The following TOP2B variants were observed in gnomAD, a reference collection of about 807,000 sequenced individuals.
TOP2B encodes DNA topoisomerase 2-beta.
A neutral mutation model predicts 193.5 loss-of-function variants in TOP2B; 51 were observed. The ratio of observed to expected loss-of-function variants is 0.26; its 90% CI spans 0.21 to 0.33. The LOEUF (loss-of-function observed/expected upper bound fraction) is 0.33, where lower values mean the gene tolerates loss of function less well. TOP2B is among the 10% of genes least tolerant of loss of function. TOP2B has a pLI of 1.00. For missense variants in TOP2B, 1,378 were observed against 1,909.3 expected (o/e 0.72, Z 5.19); for synonymous variants, 634 against 635.7 (o/e 1.00, Z 0.04).
chr3:25,651,790 C>A (rs1703597555), intron 1 of TOP2B, among the ~76,000 whole-genome samples: 1 of 151,550 alleles, frequency 6.6e-6, no homozygotes, highest in Non-Finnish European at 1.5e-5. Flanking sequence ...TCACTTGAAC[C>A]TGAGGCAGAG....
At position 25,630,081 on chromosome 3, in the gene TOP2B, G is replaced by T; in HGVS notation, c.1637C>A (p.Ala546Glu). The part of the protein sequence containing the change: ...GLQYKKSYDD[A>E]ESLKTLRYGK... ...ATAGCGTAAGGTTTTCAGAGATTCT[G>T]CATCATCGTAACTTTTCTTATATTG... The change falls in exon 13 of 36, where the codon GCA (alanine) becomes GAA (glutamate). Residue 546 changes from alanine (A) to glutamate (E), a missense_variant. Ala to Glu is a moderately radical substitution (Grantham distance 107). Transcript: ENST00000264331. 6.2e-7 allele frequency: 1 copy of T among 1,607,992 alleles called. No homozygotes were observed. Among genetic ancestry groups the T allele is most frequent in the Non-Finnish European group, 8.5e-7 (1 of 1,177,048 alleles).
intron 28 of TOP2B, among the ~76,000 whole-genome samples, chr3:25,612,009 C>T (rs1414167476): frequency 6.6e-6 from 1 of 151,876 alleles, no homozygotes; most frequent in Non-Finnish European, 1.5e-5. Context: ...GTGGCACAAT[C>T]TCGGCTCACT....
chr3:25,616,838 A>T (rs946139234), intron 25 of TOP2B, among the ~76,000 whole-genome samples: 1 of 152,028 alleles, frequency 6.6e-6, no homozygotes, highest in African/African-American at 2.4e-5. Context: ...GAATATGTGT[A>T]TCTATCACCG....
chr3:25,604,186 C>T (rs1283307994), intron 33 of TOP2B, among the ~76,000 whole-genome samples: 2 of 151,988 alleles, frequency 1.3e-5, no homozygotes, highest in Admixed American at 1.3e-4. Context: ...AAATAGCACA[C>T]ATCTCAATTA....
intron 8 of TOP2B, among the ~76,000 whole-genome samples, chr3:25,633,093 T>C (rs1261902316): frequency 1.3e-5 from 2 of 152,054 alleles, no homozygotes; most frequent in Non-Finnish European, 2.9e-5. Context: ...AACAATGTAA[T>C]TCAATTTTGA....
chr3:25,606,205 T>C (rs1202556891), intron 31 of TOP2B, 83 bp from the exon 32 acceptor site: 2 of 639,516 alleles, frequency 3.1e-6, no homozygotes, highest in East Asian at 3.0e-5. Context: ...TAATATTTAC[T>C]GCAGGATTAT....
In TOP2B at chr3:25,598,464, G is replaced by GATGA; in HGVS notation, c.4723_4724insTCAT (p.Thr1575IlefsTer5). ...CACATCTGAATCCTGATCAAAAGAT[G>GATGA]TCTTCTTCGGTTTCTAGATTTTTTT... On this transcript the variant is annotated frameshift_variant, in exon 36 of 36. Coordinates refer to ENST00000264331, the MANE Select transcript of TOP2B (RefSeq NM_001330700.2). LOFTEE classifies it high-confidence loss of function. The GATGA allele has an allele frequency of 6.3e-7, 1 of 1,578,668 alleles. No homozygotes were observed. The highest frequency in any genetic ancestry group is 2.3e-5 in the East Asian group (1 of 44,352).
chr3:25,604,540 C>T (rs12636216), intron 33 of TOP2B, among the ~76,000 whole-genome samples: 19,116 of 152,046 alleles, frequency 0.13, 1,304 homozygotes, highest in African/African-American at 0.19. Context: ...TAGTAATGCA[C>T]GGGATTATTT....
At position 25,649,982 on chromosome 3, in the gene TOP2B, C is replaced by T. The variant is rs150383887; in HGVS notation, c.70-4512G>A. On this transcript the variant is annotated intron_variant, in intron 1 of 35. Coordinates refer to ENST00000264331, the MANE Select transcript of TOP2B (RefSeq NM_001330700.2). ...AGCTCAACTCTGAAGAACCAAGGGT[C>T]TTGGGAATTTAACCATGCCAATGCA... 2.6e-3 allele frequency among the ~76,000 whole-genome samples: 397 copies of T among 152,250 alleles called. 3 individuals are homozygous for T. The highest frequency in any genetic ancestry group is 9.1e-3 in the African/African-American group (379 of 41,550).
intron 18 of TOP2B, among the ~76,000 whole-genome samples, chr3:25,625,532 T>TTTTGTTTG (rs56012185): frequency 0.32 from 48,808 of 151,574 alleles, 8,315 homozygotes; most frequent in African/African-American, 0.44. Context: ...TCATGAGGTT[T>TTTTGTTTG]TTTGTTTGTT....
At chr3:25,640,765 T>A (rs888247692) in intron 4 of TOP2B, among the ~76,000 whole-genome samples, 1 of 140,606 alleles carries the variant, frequency 7.1e-6, no homozygotes, top group African/African-American at 3.0e-5. Context: ...TTTTTTTTTT[T>A]TTTTTTTTTT....
At chr3:25,652,147 C>T (rs1383089660) in intron 1 of TOP2B, among the ~76,000 whole-genome samples, 1 of 152,194 alleles carries the variant, frequency 6.6e-6, no homozygotes, top group East Asian at 1.9e-4. Context: ...GTAAGATATG[C>T]ATCTAACATT....
chr3:25,609,902 T>C (rs1249327416), intron 28 of TOP2B, among the ~76,000 whole-genome samples, 190 bp from the exon 29 acceptor site: 1 of 152,208 alleles, frequency 6.6e-6, no homozygotes, highest in Non-Finnish European at 1.5e-5. Flanking sequence ...TAATATTGCA[T>C]GTAACTCTTA....
chr3:25,623,167 C>G (rs1702705519), intron 21 of TOP2B, among the ~76,000 whole-genome samples: 1 of 152,118 alleles, frequency 6.6e-6, no homozygotes, highest in South Asian at 2.1e-4. Flanking sequence ...TTTTAAGCAT[C>G]CTTACAAACT....
At chr3:25,619,634 T>C (rs1702605069) in intron 23 of TOP2B, among the ~76,000 whole-genome samples, 1 of 151,814 alleles carries the variant, frequency 6.6e-6, no homozygotes, top group Non-Finnish European at 1.5e-5. Context: ...GTATCCTGTG[T>C]TTTCAAGCCC....
chr3:25,661,769 T>C (rs996218819), intron 1 of TOP2B, among the ~76,000 whole-genome samples: 1 of 152,218 alleles, frequency 6.6e-6, no homozygotes, highest in Non-Finnish European at 1.5e-5. Flanking sequence ...GTTTCAGATA[T>C]TGAAAGGCAA....
intron 1 of TOP2B, among the ~76,000 whole-genome samples, chr3:25,647,120 G>A (rs950172225): frequency 6.6e-6 from 1 of 152,164 alleles, no homozygotes; most frequent in Non-Finnish European, 1.5e-5. Context: ...TAGCCGGCCA[G>A]AAAGATGAAC....
chr3:25,606,104 T>C lies in TOP2B; in HGVS notation c.4317A>G (p.Lys1439=), dbSNP rs2125347104. ...AGAGATTTCCAAAATCCTGACTTTT[T>C]TTGTCATGCAAAGATTTTCTATTAG... ...KATPEKSLHD[K]KSQDFGNLFS... is the part of the protein sequence containing the mutation. Residue 1439 remains lysine (K), a synonymous_variant, in exon 32 of 36, where the codon AAA becomes AAG. Transcript: ENST00000264331. 1.3e-6 allele frequency: 2 copies of C among 1,501,206 alleles called. No individual in the cohort carries two copies. Among genetic ancestry groups the C allele is most frequent in the Middle Eastern group, 1.7e-4 (1 of 5,784 alleles). The allele number at this position is 1,501,206 out of a possible 1,614,324, so 93.0% of individuals were successfully genotyped here.
At chr3:25,660,984 G>A (rs1328286664) in intron 1 of TOP2B, among the ~76,000 whole-genome samples, 1 of 150,834 alleles carries the variant, frequency 6.6e-6, no homozygotes, top group Non-Finnish European at 1.5e-5. Context: ...GATAAAGTGG[G>A]TGGTCTTAGG....
Sources: allele counts gnomAD v4.1 joint callset (sites outside exome capture counted in the v4.1 genomes callset), GRCh38; gene constraint gnomAD v4.1.1; transcripts MANE v1.5; gene names NCBI Gene and HGNC (gene_info 2026-07-23, HGNC 2026-07-21).